Variants in CTNNA3 observed in about 807,000 individuals in gnomAD.
CTNNA3 encodes the protein catenin alpha 3, also known as catenin alpha-3.
Under a neutral mutation model 95.7 loss-of-function variants are expected in CTNNA3, and 76 were observed. The ratio of observed to expected loss-of-function variants is 0.79; its 90% CI spans 0.66 to 0.96. CTNNA3 has a LOEUF of 0.96. Ranked by LOEUF, CTNNA3 falls within the 40% of genes least tolerant of loss-of-function variation. The pLI, the probability that CTNNA3 is intolerant of heterozygous loss-of-function variation, is 0.00. For synonymous variants in CTNNA3, 431 were observed against 374.4 expected, an observed-to-expected ratio of 1.15 and a Z score of -1.74; for missense variants, 1,191 against 1,089.8, an observed-to-expected ratio of 1.09 and a Z score of -1.31.
At position 66,103,174 on chromosome 10, in the gene CTNNA3, C is replaced by T. The variant is rs758246563; in HGVS notation, c.1960G>A (p.Glu654Lys). 7 of 1,613,840 alleles carry T rather than the reference C, an allele frequency of 4.3e-6. No homozygotes were observed. The highest frequency in any genetic ancestry group is 5.9e-6 in the Non-Finnish European group (7 of 1,179,754). ...TGACATACCCTATCAGTTTTCCCTTCGGTCTGAATGCTGGTGTGACTGCGG... is the reference window on the plus strand; with the variant it reads ...TGACATACCCTATCAGTTTTCCCTTTGGTCTGAATGCTGGTGTGACTGCGG... The part of the protein sequence containing the change: ...EVRSHTSIQT[E>K]GKTDRAKMTQ... The change falls in exon 14 of 18, where the codon GAA becomes AAA. Residue 654 changes from glutamate to lysine, a missense_variant. Glu to Lys is a moderately conservative substitution (Grantham distance 56). Transcript: ENST00000433211.
At chr10:66,460,397 T>A (rs757926689) in intron 11 of CTNNA3, among the ~76,000 whole-genome samples, 75 of 152,200 alleles carry the variant, frequency 4.9e-4, no homozygotes, top group Non-Finnish European at 8.1e-4. Flanking sequence ...ATTCTGATAA[T>A]GAACTAGTTA....
chr10:66,985,933 G>A (rs1426375807), intron 7 of CTNNA3, among the ~76,000 whole-genome samples: 2 of 151,920 alleles, frequency 1.3e-5, no homozygotes, highest in African/African-American at 2.4e-5. Context: ...TCACCATGTT[G>A]GCCAGGATGG....
intron 11 of CTNNA3, among the ~76,000 whole-genome samples, chr10:66,440,496 T>C (rs2093367709): frequency 6.6e-6 from 1 of 152,202 alleles, no homozygotes; most frequent in Non-Finnish European, 1.5e-5. Context: ...TATCAAGTTT[T>C]AAATGCTGAC....
At chr10:66,651,600 C>T (rs935342321) in intron 9 of CTNNA3, among the ~76,000 whole-genome samples, 4 of 152,126 alleles carry the variant, frequency 2.6e-5, no homozygotes, top group African/African-American at 9.7e-5. Flanking sequence ...GGGTCCCAAG[C>T]CCTGCCCTGC....
At chr10:67,145,501 A>T (rs1368351584) in intron 7 of CTNNA3, among the ~76,000 whole-genome samples, 2 of 150,278 alleles carry the variant, frequency 1.3e-5, no homozygotes, top group African/African-American at 4.9e-5. Context: ...CGCAATCTCG[A>T]CTCACTGCAA....
At chr10:67,443,225 T>C (rs200367010) in intron 5 of CTNNA3, among the ~76,000 whole-genome samples, 29 of 149,184 alleles carry the variant, frequency 1.9e-4, no homozygotes, top group South Asian at 8.6e-4. Context: ...TTCCAAGTCT[T>C]TGCTATTGTG....
chr10:66,062,827 A>G (rs1165102950), intron 15 of CTNNA3, among the ~76,000 whole-genome samples: 2 of 152,120 alleles, frequency 1.3e-5, no homozygotes, highest in Non-Finnish European at 2.9e-5. Context: ...TTTGTAAAAC[A>G]TGAAATGTGT....
intron 13 of CTNNA3, among the ~76,000 whole-genome samples, chr10:66,170,287 A>G (rs1431198782): frequency 7.2e-6 from 1 of 139,628 alleles, no homozygotes; most frequent in Non-Finnish European, 1.5e-5. Flanking sequence ...ATAGCTCTGA[A>G]CAACAGAGAC....
intron 2 of CTNNA3, among the ~76,000 whole-genome samples, chr10:67,614,110 G>A (rs1843568841): frequency 6.6e-6 from 1 of 152,094 alleles, no homozygotes; most frequent in Non-Finnish European, 1.5e-5. Context: ...TCCCTTATTT[G>A]TCCCCGCCCA....
At chr10:65,925,353 T>C (rs1272561675) in intron 17 of CTNNA3, among the ~76,000 whole-genome samples, 1 of 152,194 alleles carries the variant, frequency 6.6e-6, no homozygotes, top group Non-Finnish European at 1.5e-5. Context: ...TCTTATCCAT[T>C]TCTATTAAAA....
chr10:66,335,527 A>G (rs1336801874), intron 12 of CTNNA3, among the ~76,000 whole-genome samples: 1 of 152,102 alleles, frequency 6.6e-6, no homozygotes. Flanking sequence ...TATCAGCAGC[A>G]GAAGCTGCAG....
chr10:66,233,833 G>T (rs575822721), intron 13 of CTNNA3, among the ~76,000 whole-genome samples: 61 of 152,248 alleles, frequency 4.0e-4, no homozygotes, highest in African/African-American at 1.3e-3. Context: ...GTACTTAAAT[G>T]TGTGTTAAAG....
At chr10:67,590,047 T>C (rs1842746779) in intron 3 of CTNNA3, among the ~76,000 whole-genome samples, 1 of 152,182 alleles carries the variant, frequency 6.6e-6, no homozygotes, top group Non-Finnish European at 1.5e-5. Flanking sequence ...CTGACTACAC[T>C]GTATACATTT....
chr10:66,320,785 C>A (rs1187623991), intron 12 of CTNNA3, among the ~76,000 whole-genome samples: 2 of 151,922 alleles, frequency 1.3e-5, no homozygotes, highest in African/African-American at 4.8e-5. Flanking sequence ...GAAAATATTG[C>A]CAAATGTTGC....
intron 1 of CTNNA3, among the ~76,000 whole-genome samples, chr10:67,650,359 G>T (rs552594469): frequency 2.0e-5 from 3 of 152,266 alleles, no homozygotes; most frequent in East Asian, 3.9e-4. Context: ...GAAAAAGTAC[G>T]CTTTATAAAT....
At chr10:66,974,007 T>G (rs1395494833) in intron 7 of CTNNA3, among the ~76,000 whole-genome samples, 1 of 152,206 alleles carries the variant, frequency 6.6e-6, no homozygotes, top group African/African-American at 2.4e-5. Context: ...TTTTACCAAC[T>G]GTATACACCA....
chr10:66,397,325 CA>C (rs1449944851), intron 11 of CTNNA3, among the ~76,000 whole-genome samples: 1 of 151,642 alleles, frequency 6.6e-6, no homozygotes, highest in African/African-American at 2.4e-5. Context: ...GGGAACTAAG[CA>C]AACTACCATT....
intron 5 of CTNNA3, among the ~76,000 whole-genome samples, chr10:67,315,613 A>G (rs1055918769): frequency 6.6e-6 from 1 of 152,108 alleles, no homozygotes; most frequent in Non-Finnish European, 1.5e-5. Flanking sequence ...TCAAACAAAC[A>G]AACTCAGTAA....
intron 13 of CTNNA3, among the ~76,000 whole-genome samples, chr10:66,164,066 CTGTT>C (rs1158075618): frequency 5.9e-5 from 9 of 152,096 alleles, no homozygotes; most frequent in Non-Finnish European, 1.2e-4. Context: ...CTTTGAAAAA[CTGTT>C]TGAGAGCGTG....
Sources: gnomAD v4.1 joint callset for allele counts (sites outside exome capture counted in the v4.1 genomes callset) on GRCh38, gnomAD v4.1.1 for gene constraint, MANE v1.5 for transcripts, NCBI Gene and HGNC (gene_info 2026-07-23, HGNC 2026-07-21) for gene names.